Variants in SEC22C observed in about 807,000 individuals in gnomAD.
SEC22C encodes SEC22 homolog C, vesicle trafficking protein.
SEC22C carries 29 observed loss-of-function variants against 34.7 expected under a neutral mutation model. That is an observed-to-expected ratio of 0.84 (90% CI 0.62 to 1.14). SEC22C has a LOEUF of 1.14. Ranked by LOEUF, SEC22C falls within the 50% of genes most tolerant of loss-of-function variation. SEC22C has a pLI of 0.00. For missense variants in SEC22C, 337 were observed against 369.0 expected, an observed-to-expected ratio of 0.91 and a Z score of 0.71; for synonymous variants, 117 against 132.8, an observed-to-expected ratio of 0.88 and a Z score of 0.82.
intron 1 of SEC22C, among the ~76,000 whole-genome samples, chr3:42,572,884 A>G (rs550021997): frequency 1.3e-4 from 20 of 152,342 alleles, no homozygotes; most frequent in Admixed American, 6.5e-4. Context: ...AAATGCTTCA[A>G]TGGTCAATTA....
In SEC22C at chr3:42,553,175, A is replaced by G. The variant is rs999014982; in HGVS notation, c.*73T>C. Reference sequence around the variant, plus strand: ...AAGGATGGAAACTGGAGTGTAAAGTAGAGAAGCAGAAAGAGAAACATAGAT... The same window carrying G: ...AAGGATGGAAACTGGAGTGTAAAGTGGAGAAGCAGAAAGAGAAACATAGAT... On this transcript the variant is annotated 3_prime_UTR_variant, in exon 7 of 7. Coordinates refer to ENST00000264454, the MANE Select transcript of SEC22C (RefSeq NM_032970.4). The G allele has an allele frequency of 1.9e-6, 3 of 1,577,080 alleles. No individual in the cohort carries two copies. The South Asian group carries it at 3.5e-5, about 19-fold the overall frequency.
chr3:42,578,049 C>T (rs974628682), intron 1 of SEC22C, among the ~76,000 whole-genome samples: 3 of 151,994 alleles, frequency 2.0e-5, no homozygotes, highest in African/African-American at 7.2e-5. Context: ...ATCTACCAAT[C>T]ACACTCCTGA....
intron 6 of SEC22C, among the ~76,000 whole-genome samples, chr3:42,553,770 A>G (rs1702367790): frequency 1.3e-5 from 2 of 152,230 alleles, no homozygotes; most frequent in African/African-American, 2.4e-5. Flanking sequence ...CATAAGCTGC[A>G]GACAGCCAGG....
At chr3:42,594,515 C>G in intron 1 of SEC22C, 1 of 1,610,178 alleles carries the variant, frequency 6.2e-7, no homozygotes, top group Non-Finnish European at 8.5e-7. Flanking sequence ...AATAATCTTT[C>G]AAAAGCAATA....
chr3:42,569,084 C>A lies in SEC22C; in HGVS notation c.-27-11G>T. On this transcript the variant is annotated splice_polypyrimidine_tract_variant and intron_variant, in intron 1 of 6. Coordinates refer to ENST00000264454, the MANE Select transcript of SEC22C (RefSeq NM_032970.4). Reference sequence around the variant, plus strand: ...AAGTCATGAGGACACCTGAGGAAAGCAAGGTCACCTTGTTACTGAGGCTCA... The same window carrying A: ...AAGTCATGAGGACACCTGAGGAAAGAAAGGTCACCTTGTTACTGAGGCTCA... 6.3e-7 allele frequency: 1 copy of A among 1,581,254 alleles called. No homozygotes were observed. Among genetic ancestry groups the A allele is most frequent in the South Asian group, 1.1e-5 (1 of 88,588 alleles).
At chr3:42,573,197 G>GAT (rs922644618) in intron 1 of SEC22C, among the ~76,000 whole-genome samples, 2 of 152,112 alleles carry the variant, frequency 1.3e-5, no homozygotes, top group African/African-American at 4.8e-5. Context: ...AGAAACAGAA[G>GAT]ATATAAAAAC....
chr3:42,564,018 A>G, intron 2 of SEC22C: 2 of 1,061,964 alleles, frequency 1.9e-6, no homozygotes, highest in Non-Finnish European at 2.4e-6. Flanking sequence ...ATCTACATCA[A>G]CAGATTTCCT....
intron 1 of SEC22C, chr3:42,594,377 C>G (rs373937317): frequency 2.0e-5 from 30 of 1,482,654 alleles, no homozygotes; most frequent in Non-Finnish European, 2.8e-5. Context: ...TGTTCATGGT[C>G]GGTAAAAACA....
intron 4 of SEC22C, among the ~76,000 whole-genome samples, chr3:42,559,752 A>G (rs2125701615): frequency 6.6e-6 from 1 of 152,344 alleles, no homozygotes; most frequent in Admixed American, 6.5e-5. Flanking sequence ...TAAATATCCA[A>G]TTGAATTAAA....
intron 4 of SEC22C, among the ~76,000 whole-genome samples, chr3:42,560,052 G>C (rs1397938062): frequency 6.7e-6 from 1 of 150,058 alleles, no homozygotes; most frequent in South Asian, 2.1e-4. Context: ...AAGAAGAGTG[G>C]GGGTTTCAGA....
intron 2 of SEC22C, among the ~76,000 whole-genome samples, chr3:42,564,894 A>G (rs890676242): frequency 2.0e-5 from 3 of 152,156 alleles, no homozygotes; most frequent in African/African-American, 7.2e-5. Context: ...AGTAGCTGGG[A>G]CTACAGGCGT....
intron 2 of SEC22C, 107 bp downstream of exon 2, chr3:42,568,758 G>A: frequency 1.1e-6 from 1 of 903,482 alleles, no homozygotes; most frequent in South Asian, 1.7e-5. Flanking sequence ...ACTGATGCTA[G>A]ATCTACTTTT....
chr3:42,566,678 C>CAAAAAA, intron 2 of SEC22C: 1 of 128,878 alleles, frequency 7.8e-6, no homozygotes. Flanking sequence ...GACTCCGTCT[C>CAAAAAA]AAAAAAAAAA....
At chr3:42,559,122 C>G (rs1702723478) in intron 4 of SEC22C, among the ~76,000 whole-genome samples, 4 of 152,226 alleles carry the variant, frequency 2.6e-5, no homozygotes, top group Admixed American at 6.5e-5. Flanking sequence ...TTGGTTCACA[C>G]AATTAAATGG....
At position 42,549,396 on chromosome 3, in the gene SEC22C, G is replaced by A; in HGVS notation, c.*3852C>T. On this transcript the variant is annotated 3_prime_UTR_variant, in exon 7 of 7. Coordinates refer to ENST00000264454, the MANE Select transcript of SEC22C (RefSeq NM_032970.4). ...AGCAAATAGCAGCCCTGGCTACAAG[G>A]TGCAGTGTGCAACCCCCATATGCCA... 1 of 985,622 alleles carries A rather than the reference G, an allele frequency of 1.0e-6. No individual in the cohort carries two copies. Among genetic ancestry groups the A allele is most frequent in the Non-Finnish European group, 1.2e-6 (1 of 830,070 alleles). 61.1% of individuals were successfully genotyped at this position (985,622 alleles called of 1,614,324 possible). A position where few individuals can be genotyped will look rare whatever the true frequency, so the allele number is the denominator to read the frequency against.
chr3:42,572,535 T>C (rs1316960340), intron 1 of SEC22C, among the ~76,000 whole-genome samples: 1 of 152,144 alleles, frequency 6.6e-6, no homozygotes, highest in African/African-American at 2.4e-5. Context: ...GTAGACAGAA[T>C]TCCTATCTCT....
chr3:42,555,474 GCCA>G (rs1702478908), intron 6 of SEC22C, among the ~76,000 whole-genome samples: 1 of 152,168 alleles, frequency 6.6e-6, no homozygotes, highest in African/African-American at 2.4e-5. Flanking sequence ...ACAGGTGTGA[GCCA>G]CAATGCCTGC....
chr3:42,576,506 T>A (rs1356020344), intron 1 of SEC22C, among the ~76,000 whole-genome samples: 1 of 152,090 alleles, frequency 6.6e-6, no homozygotes, highest in African/African-American at 2.4e-5. Flanking sequence ...CCATTTATAA[T>A]CACTCTAAAA....
upstream of SEC22C, among the ~76,000 whole-genome samples, chr3:42,584,879 T>C (rs1445797290): frequency 6.6e-6 from 1 of 152,028 alleles, no homozygotes; most frequent in Non-Finnish European, 1.5e-5. Flanking sequence ...CTCACACCTA[T>C]AATCCCAGCA....
Sources: gnomAD v4.1 joint callset for allele counts (sites outside exome capture counted in the v4.1 genomes callset) on GRCh38, gnomAD v4.1.1 for gene constraint, MANE v1.5 for transcripts, NCBI Gene and HGNC (gene_info 2026-07-23, HGNC 2026-07-21) for gene names.